The following INPP5D variants were observed in gnomAD, a reference collection of about 807,000 sequenced individuals.
The protein encoded by INPP5D is inositol polyphosphate-5-phosphatase D.
INPP5D carries 33 observed loss-of-function variants against 122.9 expected under a neutral mutation model. That is an observed-to-expected ratio of 0.27 (90% CI 0.20 to 0.36). The LOEUF (loss-of-function observed/expected upper bound fraction) is 0.36. Ranked by LOEUF, INPP5D falls within the 10% of genes least tolerant of loss-of-function variation. INPP5D has a pLI of 1.00. For synonymous variants in INPP5D, 584 were observed against 576.2 expected (o/e 1.01, Z -0.19); for missense variants, 1,053 against 1,412.7 (o/e 0.75, Z 4.08).
chr2:233,163,581 G>A, intron 11 of INPP5D, 126 bp from the exon 12 acceptor site: 2 of 1,509,914 alleles, frequency 1.3e-6, no homozygotes, highest in South Asian at 1.3e-5. Context: ...CATTTCTTTG[G>A]GCTGCCTGGA....
intron 5 of INPP5D, chr2:233,131,123 A>C (rs1693314076): frequency 1.0e-6 from 1 of 974,622 alleles, no homozygotes; most frequent in African/African-American, 1.8e-5. Context: ...GATTCACCAA[A>C]ACTTTAATTT....
In INPP5D at chr2:233,122,113, G is replaced by A. The variant is rs369614981; in HGVS notation, c.205G>A (p.Glu69Lys). ...EDDKFTVQAS[E>K]GVSMRFFTKL... ...TTGGATGTTCTGTCCTCAGGCATCC[G>A]AAGGCGTCTCCATGAGGTTCTTCAC... The change falls in exon 3 of 27, where the codon GAA becomes AAA. Residue 69 changes from glutamate to lysine, a missense_variant. Physicochemically the swap from Glu to Lys is moderately conservative, Grantham distance 56 (BLOSUM62 1). Transcript: ENST00000445964. 2.8e-5 allele frequency: 45 copies of A among 1,613,766 alleles called. No homozygotes were observed. Among genetic ancestry groups the A allele is most frequent in the Non-Finnish European group, 2.1e-5 (25 of 1,179,858 alleles).
At chr2:233,107,624 T>C (rs554591955) in intron 2 of INPP5D, among the ~76,000 whole-genome samples, 3 of 152,038 alleles carry the variant, frequency 2.0e-5, no homozygotes, top group Non-Finnish European at 4.4e-5. Flanking sequence ...TTCAGGAAGT[T>C]GGGGCTGGTT....
At position 233,095,615 on chromosome 2, in the gene INPP5D, CAAAAAAAAAAAAAAAAA is replaced by C. The variant is rs59030376; in HGVS notation, c.198+16229_198+16245del. Among the ~76,000 whole-genome samples the C allele has an allele frequency of 7.3e-3, 946 of 129,144 alleles. 7 individuals carry two copies. The highest frequency in any genetic ancestry group is 0.022 in the East Asian group (91 of 4,174). The allele number at this position is 129,144 out of a possible 152,430, so 84.7% of individuals were successfully genotyped here. ...CTAGGCAACAAGATTGAAACTGTCT[CAAAAAAAAAAAAAAAAA>C]AAAAAAAAAAACAACTCCTGGGCTC... On this transcript the variant is annotated intron_variant, in intron 2 of 26. Transcript: ENST00000445964.
At chr2:233,133,897 C>T in intron 5 of INPP5D, 2 of 445,848 alleles carry the variant, frequency 4.5e-6, no homozygotes, top group South Asian at 3.2e-5. Context: ...TGTTTTGCTT[C>T]CTGCTGAGTC....
intron 9 of INPP5D, among the ~76,000 whole-genome samples, chr2:233,157,632 G>T (rs1159208861): frequency 6.9e-6 from 1 of 144,662 alleles, no homozygotes; most frequent in Non-Finnish European, 1.5e-5. Context: ...AGGGAGTCAA[G>T]TTGGGGGAGC....
At chr2:233,205,921 A>G (rs968259980) in intron 26 of INPP5D, among the ~76,000 whole-genome samples, 8 of 152,134 alleles carry the variant, frequency 5.3e-5, no homozygotes, top group Admixed American at 3.3e-4. Context: ...TCTATTAAAA[A>G]TACAAAAATT....
intron 6 of INPP5D, among the ~76,000 whole-genome samples, chr2:233,144,320 A>G (rs1290064958): frequency 7.7e-6 from 1 of 129,798 alleles, no homozygotes; most frequent in Non-Finnish European, 1.6e-5. Flanking sequence ...GGTCGTCATG[A>G]TTATGGTAAG....
At chr2:233,115,792 T>A (rs1014347935) in intron 2 of INPP5D, among the ~76,000 whole-genome samples, 2 of 152,218 alleles carry the variant, frequency 1.3e-5, no homozygotes, top group African/African-American at 4.8e-5. Context: ...GCTGCCATTA[T>A]GTCATTATGT....
intron 25 of INPP5D, among the ~76,000 whole-genome samples, chr2:233,202,326 T>G (rs1003332139): frequency 6.6e-6 from 1 of 151,972 alleles, no homozygotes; most frequent in African/African-American, 2.4e-5. Flanking sequence ...AGAAGAGGGC[T>G]GAACATGGAG....
chr2:233,151,155 C>A (rs908048535), intron 9 of INPP5D, among the ~76,000 whole-genome samples: 1 of 151,876 alleles, frequency 6.6e-6, no homozygotes, highest in African/African-American at 2.4e-5. Flanking sequence ...GATCACTGGC[C>A]CTAAGAAAAT....
chr2:233,185,737 A>AC (rs1694895486), intron 20 of INPP5D, 106 bp from the exon 21 acceptor site: 1 of 951,182 alleles, frequency 1.1e-6, no homozygotes, highest in Non-Finnish European at 1.3e-6. Context: ...AAAAAAAAAA[A>AC]GGAGAGAGCA....
At chr2:233,090,366 T>G (rs1003051688) in intron 2 of INPP5D, among the ~76,000 whole-genome samples, 2 of 152,214 alleles carry the variant, frequency 1.3e-5, no homozygotes, top group Non-Finnish European at 2.9e-5. Flanking sequence ...GGAAGAGTAC[T>G]TCTTTCATTT....
intron 5 of INPP5D, among the ~76,000 whole-genome samples, chr2:233,133,805 G>C (rs545464197): frequency 1.1e-4 from 16 of 152,248 alleles, no homozygotes; most frequent in Non-Finnish European, 1.9e-4. Context: ...CAGGAGACCA[G>C]CTGGGAGTGG....
Position 233,078,946 on chromosome 2 carries a change from G to T in INPP5D, c.135-389G>T, listed in dbSNP as rs1017841325. On this transcript the variant is annotated intron_variant, in intron 1 of 26. Coordinates refer to ENST00000445964, the MANE Select transcript of INPP5D (RefSeq NM_001017915.3). This position sits in a 1 kb window ranked among gnomAD's most constrained non-coding sequence, Gnocchi z 4.6. The stretch of plus-strand genomic sequence containing the variant: ...TCCACCCATCTCAGCCTCCCAAAGT[G>T]CTGGGATTACAGGCGTGAGCCACCG... Among the ~76,000 whole-genome samples the T allele has an allele frequency of 6.6e-6, 1 of 152,120 alleles. No individual in the cohort carries two copies. The highest frequency in any genetic ancestry group is 2.4e-5 in the African/African-American group (1 of 41,424).
intron 19 of INPP5D, 21 bp from the exon 20 acceptor site, chr2:233,184,387 C>A (rs1303624946): frequency 6.2e-7 from 1 of 1,612,752 alleles, no homozygotes; most frequent in Non-Finnish European, 8.5e-7. Context: ...GGAACTGAAT[C>A]CGTGTTCTCC....
chr2:233,201,971 T>C (rs1179600116), intron 25 of INPP5D, among the ~76,000 whole-genome samples: 1 of 152,132 alleles, frequency 6.6e-6, no homozygotes, highest in African/African-American at 2.4e-5. Context: ...TTCATGGTTT[T>C]CCCCAGTCTT....
intron 14 of INPP5D, chr2:233,169,744 C>T (rs1295192745): frequency 1.7e-6 from 1 of 593,422 alleles, no homozygotes; most frequent in Admixed American, 3.2e-5. Flanking sequence ...TGAAGACAGC[C>T]ATCTAGAATC....
intron 2 of INPP5D, among the ~76,000 whole-genome samples, chr2:233,121,117 CTTTCTTTT>C (rs1692958570): frequency 7.8e-6 from 1 of 128,582 alleles, no homozygotes; most frequent in African/African-American, 3.0e-5. Flanking sequence ...TTCTTTCTTT[CTTTCTTTT>C]TTTTTTTTCT....
Sources: gnomAD v4.1 joint callset for allele counts (sites outside exome capture counted in the v4.1 genomes callset) on GRCh38, gnomAD v4.1.1 for gene constraint, Gnocchi (gnomAD v3.1) non-coding constraint, MANE v1.5 for transcripts, NCBI Gene and HGNC (gene_info 2026-07-23, HGNC 2026-07-21) for gene names.